PDGFB: variants seen among roughly 807,000 people sequenced by gnomAD.
The protein encoded by PDGFB is platelet-derived growth factor subunit B.
In PDGFB, 6 loss-of-function variants were observed where a neutral mutation model predicts 29.0. The observed-to-expected ratio is 0.21, with a 90% CI of 0.11 to 0.41. The LOEUF (loss-of-function observed/expected upper bound fraction) is 0.41, where lower values mean the gene tolerates loss of function less well. Among genes scored for constraint, PDGFB ranks in the 10% least tolerant of loss-of-function variants. The pLI is 1.00. For missense variants in PDGFB, 299 were observed against 341.8 expected (o/e 0.87, Z 0.99); for synonymous variants, 144 against 140.8 (o/e 1.02, Z -0.16).
rs1038652262 is a variant in PDGFB at position 39,242,805 on chromosome 22, G to T, written c.63+1096C>A. On this transcript the variant is annotated intron_variant, in intron 1 of 6. Transcript: ENST00000331163. The surrounding 1 kb of genome is among the most constrained non-coding windows in gnomAD (Gnocchi z 5.7). ...CCCCGGGAGCCGGCGAGGTGCGGGC[G>T]AGGTGCGGACTCCCGGCCGCAGCCG... The T allele has an allele frequency of 5.6e-5, 13 of 231,320 alleles. No homozygotes were observed. The highest frequency in any genetic ancestry group is 2.4e-4 in the African/African-American group (11 of 45,250). 14.3% of individuals were successfully genotyped at this position (231,320 alleles called of 1,614,324 possible). A position where few individuals can be genotyped will look rare whatever the true frequency, so the allele number is the denominator to read the frequency against.
At chr22:39,230,361 T>C in intron 4 of PDGFB, 133 bp from the exon 5 acceptor site, 1 of 848,348 alleles carries the variant, frequency 1.2e-6, no homozygotes. Flanking sequence ...GAGCAGGCTG[T>C]GGGGCAAAAG....
chr22:39,239,502 T>C (rs1404974798), intron 1 of PDGFB, among the ~76,000 whole-genome samples: 1 of 152,104 alleles, frequency 6.6e-6, no homozygotes, highest in Non-Finnish European at 1.5e-5. Flanking sequence ...CACAGGCTCT[T>C]CTTGGTATGG....
intron 5 of PDGFB, among the ~76,000 whole-genome samples, chr22:39,226,499 G>T (rs1344226295): frequency 6.6e-6 from 1 of 152,184 alleles, no homozygotes; most frequent in Non-Finnish European, 1.5e-5. Context: ...TGAGTCTCCA[G>T]ATGACCACAG....
intron 5 of PDGFB, among the ~76,000 whole-genome samples, chr22:39,226,060 A>G (rs978226212): frequency 2.6e-5 from 4 of 152,124 alleles, no homozygotes; most frequent in African/African-American, 9.7e-5. Context: ...TGGCGCCTCC[A>G]TCTGTGGAAT....
In PDGFB at chr22:39,243,252, G is replaced by GTCTCTCTC. The variant is rs79409466; in HGVS notation, c.63+641_63+648dup. Among the ~76,000 whole-genome samples the GTCTCTCTC allele has an allele frequency of 4.2e-4, 61 of 143,894 alleles. No individual in the cohort carries two copies. The highest frequency in any genetic ancestry group is 1.6e-3 in the African/African-American group (58 of 36,912). The allele number at this position is 143,894 out of a possible 152,430, so 94.4% of individuals were successfully genotyped here. On this transcript the variant is annotated intron_variant, in intron 1 of 6. Coordinates refer to ENST00000331163, the MANE Select transcript of PDGFB (RefSeq NM_002608.4). This position sits in a 1 kb window ranked among gnomAD's most constrained non-coding sequence, Gnocchi z 6.4. Reference sequence around the variant, plus strand: ...CCTCTCTCTCTCCGTCTCTCTCTCCGTCTCTCTCTCTCTCTCTCTCTTTCT... The same window carrying GTCTCTCTC: ...CCTCTCTCTCTCCGTCTCTCTCTCCGTCTCTCTCTCTCTCTCTCTCTCTCTCTCTTTCT...
chr22:39,243,438 A>C lies in PDGFB; in HGVS notation c.63+463T>G, dbSNP rs1932619623. On this transcript the variant is annotated intron_variant, in intron 1 of 6. Transcript: ENST00000331163. This position sits in a 1 kb window ranked among gnomAD's most constrained non-coding sequence, Gnocchi z 6.4. ...GCCAGGGTGGGACCCGAGCCCCGTC[A>C]AAGGTCGGCGTGGATGGCACCGGTG... 6.6e-6 allele frequency among the ~76,000 whole-genome samples: 1 copy of C among 152,014 alleles called. No individual in the cohort carries two copies. The highest frequency in any genetic ancestry group is 1.5e-5 in the Non-Finnish European group (1 of 67,988).
chr22:39,225,623 C>T (rs1400019806), intron 6 of PDGFB, 72 bp downstream of exon 6: 5 of 1,417,424 alleles, frequency 3.5e-6, no homozygotes, highest in Non-Finnish European at 4.8e-6. Context: ...ATCCTTTCCC[C>T]TGACCCCATC....
intron 4 of PDGFB, 87 bp from the exon 5 acceptor site, chr22:39,230,315 G>T (rs1932268556): frequency 1.5e-6 from 2 of 1,365,918 alleles, no homozygotes; most frequent in Non-Finnish European, 2.1e-6. Flanking sequence ...TCCCACCCCG[G>T]TGTCCCCTGC....
In PDGFB at chr22:39,231,728, T is replaced by C. The variant is rs747172866; in HGVS notation, c.350A>G (p.Asn117Ser). Residue 117 changes from asparagine (N) to serine (S), a missense_variant, in exon 4 of 7, where the codon AAC becomes AGC. Physicochemically the swap from Asn to Ser is conservative, Grantham distance 46. Coordinates refer to ENST00000331163, the MANE Select transcript of PDGFB (RefSeq NM_002608.4). This position sits in a 1 kb window ranked among gnomAD's most constrained non-coding sequence, Gnocchi z 4.3. Reference protein sequence around the residue: ...SRRLIDRTNANFLVWPPCVEV... With the variant: ...SRRLIDRTNASFLVWPPCVEV... Reference sequence around the variant, plus strand: ...CACACAGGGCGGCCACACCAGGAAGTTGGCGTTGGTGCGGTCTATGAGGCG... The same window carrying C: ...CACACAGGGCGGCCACACCAGGAAGCTGGCGTTGGTGCGGTCTATGAGGCG... The C allele has an allele frequency of 6.2e-7, 1 of 1,612,236 alleles. No homozygotes were observed. The highest frequency in any genetic ancestry group is 1.1e-5 in the South Asian group (1 of 90,614).
intron 1 of PDGFB, among the ~76,000 whole-genome samples, chr22:39,236,157 C>T (rs1273966724): frequency 3.9e-5 from 6 of 152,234 alleles, no homozygotes; most frequent in Non-Finnish European, 2.9e-5. Flanking sequence ...CTGTCTCCCC[C>T]ACCAAACTAC....
chr22:39,243,264 C>CTCTT lies in PDGFB; in HGVS notation c.63+636_63+637insAAGA. 6.7e-6 allele frequency among the ~76,000 whole-genome samples: 1 copy of CTCTT among 150,102 alleles called. No homozygotes were observed. The highest frequency in any genetic ancestry group is 2.0e-4 in the East Asian group (1 of 5,112). On this transcript the variant is annotated intron_variant, in intron 1 of 6. Coordinates refer to ENST00000331163, the MANE Select transcript of PDGFB (RefSeq NM_002608.4). This position sits in a 1 kb window ranked among gnomAD's most constrained non-coding sequence, Gnocchi z 6.4. ...CGTCTCTCTCTCCGTCTCTCTCTCTCTCTCTCTCTTTCTCTCTCTCTCTCT... is the reference window on the plus strand; with the variant it reads ...CGTCTCTCTCTCCGTCTCTCTCTCTCTCTTTCTCTCTCTTTCTCTCTCTCTCTCT...
intron 3 of PDGFB, among the ~76,000 whole-genome samples, chr22:39,232,785 G>A (rs1273356075): frequency 6.6e-6 from 1 of 151,956 alleles, no homozygotes; most frequent in Admixed American, 6.5e-5. Context: ...ACCATGCCCG[G>A]CCCAGGCCAC....
rs13306691 is a variant in PDGFB, at chr22:39,225,430, C to G, written c.*29-117G>C. 2.2e-4 allele frequency: 61 copies of G among 281,832 alleles called. No homozygotes were observed. The East Asian group carries it at 3.7e-3, about 17-fold the overall frequency. 17.5% of individuals were successfully genotyped at this position (281,832 alleles called of 1,614,324 possible). ...GGGGTCAACTAGCCACCCCTGATTT[C>G]CAGCAATGCTCAGGGCTGGGGGCAT... On this transcript the variant is annotated intron_variant, in intron 6 of 6. Coordinates refer to ENST00000331163, the MANE Select transcript of PDGFB (RefSeq NM_002608.4).
intron 1 of PDGFB, chr22:39,240,958 CTT>C: frequency 1.4e-6 from 2 of 1,381,288 alleles, no homozygotes; most frequent in African/African-American, 1.4e-5. Flanking sequence ...CTCTCTCTCT[CTT>C]CCTGGCTCTT....
intron 2 of PDGFB, among the ~76,000 whole-genome samples, chr22:39,235,286 G>T (rs889365097): frequency 6.6e-6 from 1 of 152,180 alleles, no homozygotes; most frequent in African/African-American, 2.4e-5. Context: ...TGTCAATCCA[G>T]CCCGCCAGCC....
chr22:39,235,138 A>G (rs1932410604), intron 2 of PDGFB, among the ~76,000 whole-genome samples: 1 of 152,240 alleles, frequency 6.6e-6, no homozygotes, highest in South Asian at 2.1e-4. Flanking sequence ...GGCAAGGATT[A>G]CAAAGTGACA....
At position 39,236,688 on chromosome 22, in the gene PDGFB, G is replaced by A. The variant is rs560687377; in HGVS notation, c.64-814C>T. ...AGCCCCGTAGGAAGGTCACAGCCAC[G>A]TCCCCCACAGTCCCAGGAGACCCAA... On this transcript the variant is annotated intron_variant, in intron 1 of 6. Transcript: ENST00000331163. Among the ~76,000 whole-genome samples the A allele has an allele frequency of 4.6e-5, 7 of 152,252 alleles. No individual in the cohort carries two copies. In the South Asian group the frequency reaches 1.0e-3, roughly 23 times the overall value.
In PDGFB at chr22:39,231,589, G is replaced by T. The variant is rs941611533; in HGVS notation, c.456+33C>A. ...AAGGGTGGTCTCCACCCACCACCGG[G>T]ACCAGCCTCGGGGGGCCGCGGAGCC... On this transcript the variant is annotated intron_variant, in intron 4 of 6. Transcript: ENST00000331163. This position sits in a 1 kb window ranked among gnomAD's most constrained non-coding sequence, Gnocchi z 4.3. 6.0e-6 allele frequency: 9 copies of T among 1,492,050 alleles called. No individual in the cohort carries two copies. The highest frequency in any genetic ancestry group is 1.3e-5 in the South Asian group (1 of 79,558). 92.4% of individuals were successfully genotyped at this position (1,492,050 alleles called of 1,614,324 possible).
At chr22:39,241,953 C>T (rs1445477421) in intron 1 of PDGFB, among the ~76,000 whole-genome samples, 1 of 152,110 alleles carries the variant, frequency 6.6e-6, no homozygotes, top group Non-Finnish European at 1.5e-5. Flanking sequence ...GGTTCTCCCT[C>T]CCTCACAGGA....
Sources: allele counts gnomAD v4.1 joint callset (sites outside exome capture counted in the v4.1 genomes callset), GRCh38; gene constraint gnomAD v4.1.1; non-coding constraint Gnocchi (gnomAD v3.1); transcripts MANE v1.5; gene names NCBI Gene and HGNC (gene_info 2026-07-23, HGNC 2026-07-21).